DDX60L: variants seen among roughly 807,000 people sequenced by gnomAD.
The protein encoded by DDX60L is DExD/H-box 60 like.
Under a neutral mutation model 211.6 loss-of-function variants are expected in DDX60L, and 191 were observed. The observed-to-expected ratio is 0.90, with a 90% CI of 0.80 to 1.02. DDX60L has a LOEUF of 1.02. Among genes scored for constraint, DDX60L ranks in the 50% least tolerant of loss-of-function variants. DDX60L has a pLI of 0.00. For synonymous variants in DDX60L, 706 were observed against 694.1 expected, an observed-to-expected ratio of 1.02 and a Z score of -0.27; for missense variants, 2,007 against 1,984.1, an observed-to-expected ratio of 1.01 and a Z score of -0.22.
chr4:168,403,909 G>A, intron 25 of DDX60L, 73 bp downstream of exon 25: 1 of 906,772 alleles, frequency 1.1e-6, no homozygotes, highest in Admixed American at 3.5e-5. Flanking sequence ...ATATAAATGA[G>A]ACTAATTGAA....
Position 168,396,010 on chromosome 4 carries a change from C to T in DDX60L, c.3606G>A (p.Thr1202=), listed in dbSNP as rs202168281. ...TGTGTAGGGCTTTGACATCAGCATA[C>T]GTGCAGTCCTCAGAAATTTCCAGAA... The part of the protein sequence containing the change: ...LKILEISEDC[T]YADVKALHTE... The change falls in exon 27 of 38, where the codon ACG becomes ACA. Residue 1202 remains threonine, a synonymous_variant. Transcript: ENST00000682922. 449 of 1,611,354 alleles carry T rather than the reference C, an allele frequency of 2.8e-4. No homozygotes were observed. The African/African-American group carries it at 4.7e-3, about 17-fold the overall frequency.
Position 168,410,271 on chromosome 4 carries a change from G to GA in DDX60L, c.2980-3566dup, listed in dbSNP as rs569689780. On this transcript the variant is annotated intron_variant, in intron 22 of 37. Transcript: ENST00000682922. ...TGGAGAGATCATAGAAAGACTTCTGGAAAAAAAAATCTCACATTAGCAAAG... is the reference window on the plus strand; with the variant it reads ...TGGAGAGATCATAGAAAGACTTCTGGAAAAAAAAAATCTCACATTAGCAAAG... 7.8e-3 allele frequency among the ~76,000 whole-genome samples: 1,181 copies of GA among 151,528 alleles called. 11 individuals carry two copies. The highest frequency in any genetic ancestry group is 0.024 in the African/African-American group (981 of 41,350).
chr4:168,367,986 C>G (rs753335808), intron 36 of DDX60L, among the ~76,000 whole-genome samples: 1 of 152,180 alleles, frequency 6.6e-6, no homozygotes, highest in Non-Finnish European at 1.5e-5. Flanking sequence ...AGAAGCAGAG[C>G]ATAACAGTTT....
intron 4 of DDX60L, among the ~76,000 whole-genome samples, chr4:168,462,592 C>A (rs899935373): frequency 6.6e-6 from 1 of 152,118 alleles, no homozygotes; most frequent in African/African-American, 2.4e-5. Flanking sequence ...GTGGGTGGAT[C>A]ATTTGAGGTC....
At chr4:168,445,570 C>T (rs1010234634) in intron 9 of DDX60L, among the ~76,000 whole-genome samples, 2 of 152,102 alleles carry the variant, frequency 1.3e-5, no homozygotes, top group African/African-American at 2.4e-5. Flanking sequence ...GGCAGAGACA[C>T]AACAAAAGAA....
chr4:168,463,869 T>C (rs537600838), intron 4 of DDX60L, among the ~76,000 whole-genome samples: 2 of 152,294 alleles, frequency 1.3e-5, no homozygotes, highest in Non-Finnish European at 2.9e-5. Context: ...TTTGTTACAA[T>C]TGGAAGCCAT....
rs779282043 is a variant in DDX60L, at chr4:168,472,701, G to C, written c.-2C>G. 6.2e-7 allele frequency: 1 copy of C among 1,613,344 alleles called. No homozygotes were observed. The highest frequency in any genetic ancestry group is 1.1e-5 in the South Asian group (1 of 90,912). On this transcript the variant is annotated 5_prime_UTR_variant, in exon 2 of 38. Transcript: ENST00000682922. Reference sequence around the variant, plus strand: ...TATCAAAGATTGAGAATTACCCATCGTTGCTGCTTCTTGGGCTACAGGGTA... The same window carrying C: ...TATCAAAGATTGAGAATTACCCATCCTTGCTGCTTCTTGGGCTACAGGGTA...
At chr4:168,375,550 G>A (rs770253271) in intron 33 of DDX60L, 26 bp from the exon 34 acceptor site, 14 of 1,559,858 alleles carry the variant, frequency 9.0e-6, no homozygotes, top group Middle Eastern at 3.4e-4. Flanking sequence ...ATTTCAGAAA[G>A]ATCTCTTTAC....
intron 7 of DDX60L, among the ~76,000 whole-genome samples, chr4:168,454,841 T>C (rs1219901409): frequency 2.1e-5 from 3 of 145,712 alleles, no homozygotes; most frequent in Non-Finnish European, 3.0e-5. Flanking sequence ...AGAAGCAGGT[T>C]TGGGGAGTTT....
chr4:168,454,454 C>T (rs1321568301), intron 7 of DDX60L, among the ~76,000 whole-genome samples: 15 of 152,144 alleles, frequency 9.9e-5, no homozygotes, highest in South Asian at 8.3e-4. Context: ...TACACTTTCT[C>T]ATAGGGTTTC....
intron 8 of DDX60L, among the ~76,000 whole-genome samples, chr4:168,450,724 T>C (rs1415002636): frequency 6.6e-6 from 1 of 152,154 alleles, no homozygotes; most frequent in Non-Finnish European, 1.5e-5. Context: ...AAGACCAGCC[T>C]TGGCAACATG....
chr4:168,441,590 A>T, intron 9 of DDX60L, 98 bp from the exon 10 acceptor site: 1 of 976,860 alleles, frequency 1.0e-6, no homozygotes, highest in South Asian at 1.8e-5. Context: ...CTCTGGAAAG[A>T]TGATCAAATA....
At chr4:168,419,970 T>C (rs1579516526) in intron 18 of DDX60L, among the ~76,000 whole-genome samples, 1 of 152,220 alleles carries the variant, frequency 6.6e-6, no homozygotes, top group East Asian at 1.9e-4. Flanking sequence ...CATTTAGTAA[T>C]GCATTGGGTT....
At chr4:168,440,007 G>A (rs759340070) in intron 10 of DDX60L, among the ~76,000 whole-genome samples, 30 of 152,260 alleles carry the variant, frequency 2.0e-4, no homozygotes, top group Non-Finnish European at 3.4e-4. Flanking sequence ...CCAAGAAAAT[G>A]CAAATTCAAA....
chr4:168,475,242 T>C (rs990061771), intron 1 of DDX60L, among the ~76,000 whole-genome samples: 1 of 152,174 alleles, frequency 6.6e-6, no homozygotes, highest in Admixed American at 6.5e-5. Context: ...TGTTAATATA[T>C]AAACTGCTTA....
intron 37 of DDX60L, 151 bp downstream of exon 37, chr4:168,360,998 T>C (rs1449057218): frequency 1.6e-6 from 1 of 622,238 alleles, no homozygotes; most frequent in East Asian, 2.8e-5. Context: ...ACAGAGCCTT[T>C]GGATAGCTGA....
intron 30 of DDX60L, among the ~76,000 whole-genome samples, chr4:168,383,656 G>A (rs1743348537): frequency 6.6e-6 from 1 of 152,022 alleles, no homozygotes; most frequent in Non-Finnish European, 1.5e-5. Flanking sequence ...AGCTCACGAG[G>A]GGAGTGAGAC....
At position 168,420,277 on chromosome 4, in the gene DDX60L, T is replaced by C. The variant is rs1561032218; in HGVS notation, c.2498A>G (p.Asn833Ser). Residue 833 changes from asparagine to serine, a missense_variant, in exon 18 of 38, where the codon AAT becomes AGT. Physicochemically the swap from Asn to Ser is conservative, Grantham distance 46. Transcript: ENST00000682922. ...ATGTCATACCTGACAGTTTAGTACATTGTGACAATAATCTCTTGTAAAAGC... is the reference window on the plus strand; with the variant it reads ...ATGTCATACCTGACAGTTTAGTACACTGTGACAATAATCTCTTGTAAAAGC... Reference protein sequence around the residue: ...CGAFTRDYCHNVLNCQVLITV... With the variant: ...CGAFTRDYCHSVLNCQVLITV... 1.2e-6 allele frequency: 2 copies of C among 1,601,728 alleles called. No individual in the cohort carries two copies. The highest frequency in any genetic ancestry group is 8.5e-7 in the Non-Finnish European group (1 of 1,174,426).
At chr4:168,376,856 C>T (rs1742036067) in intron 33 of DDX60L, among the ~76,000 whole-genome samples, 1 of 152,214 alleles carries the variant, frequency 6.6e-6, no homozygotes, top group East Asian at 1.9e-4. Flanking sequence ...CTATAGTTTA[C>T]ACATATTTAT....
Sources: allele counts gnomAD v4.1 joint callset (sites outside exome capture counted in the v4.1 genomes callset), GRCh38; gene constraint gnomAD v4.1.1; transcripts MANE v1.5; gene names NCBI Gene and HGNC (gene_info 2026-07-23, HGNC 2026-07-21).